Variants in STPG2 observed in about 807,000 individuals in gnomAD.
The protein encoded by STPG2 is sperm tail PG-rich repeat containing 2, also known as sperm-tail PG-rich repeat-containing protein 2.
A neutral mutation model predicts 54.2 loss-of-function variants in STPG2; 56 were observed. The observed-to-expected ratio is 1.03, with a 90% CI of 0.83 to 1.29. The LOEUF (loss-of-function observed/expected upper bound fraction) is 1.29, where lower values mean the gene tolerates loss of function less well. STPG2 is among the 50% of genes most tolerant of loss of function. The pLI is 0.00. For synonymous variants in STPG2, 200 were observed against 181.8 expected, an observed-to-expected ratio of 1.10 and a Z score of -0.81; for missense variants, 596 against 544.9, an observed-to-expected ratio of 1.09 and a Z score of -0.93.
chr4:97,772,285 G>T (rs935466235), intron 9 of STPG2, among the ~76,000 whole-genome samples: 1 of 152,122 alleles, frequency 6.6e-6, no homozygotes, highest in Non-Finnish European at 1.5e-5. Flanking sequence ...AATTCACTAT[G>T]TGTAACATAT....
intron 9 of STPG2, among the ~76,000 whole-genome samples, chr4:97,742,405 T>G (rs1725276018): frequency 6.7e-6 from 1 of 150,236 alleles, no homozygotes; most frequent in South Asian, 2.1e-4. Flanking sequence ...AAAAAGAAAA[T>G]AAAATCAGTA....
At chr4:97,749,966 T>C (rs1725533781) in intron 9 of STPG2, among the ~76,000 whole-genome samples, 1 of 151,802 alleles carries the variant, frequency 6.6e-6, no homozygotes, top group Non-Finnish European at 1.5e-5. Context: ...CCAAGCATCC[T>C]AGGGATGGTA....
chr4:97,816,891 T>C (rs1727931641), intron 9 of STPG2, among the ~76,000 whole-genome samples: 1 of 149,960 alleles, frequency 6.7e-6, no homozygotes, highest in Admixed American at 6.7e-5. Context: ...TTTTTCTTTT[T>C]TATTTCTCTC....
At chr4:97,931,519 C>T (rs1353391233) in intron 8 of STPG2, among the ~76,000 whole-genome samples, 4 of 152,136 alleles carry the variant, frequency 2.6e-5, no homozygotes, top group Admixed American at 2.0e-4. Flanking sequence ...ACCTTGAATC[C>T]TGGAAATAAA....
chr4:97,480,110 G>A (rs995989570), intron 4 of STPG2, among the ~76,000 whole-genome samples: 2 of 151,548 alleles, frequency 1.3e-5, no homozygotes, highest in African/African-American at 4.8e-5. Flanking sequence ...ATAATATAAA[G>A]CAAGAGAACC....
intron 9 of STPG2, among the ~76,000 whole-genome samples, chr4:97,778,138 A>G (rs1166582285): frequency 6.6e-5 from 10 of 152,156 alleles, no homozygotes; most frequent in Admixed American, 6.5e-4. Context: ...GGGAAGCGCA[A>G]GGGGTCAGGG....
chr4:97,552,776 T>C lies in STPG2; in HGVS notation c.462+159923A>G, dbSNP rs1731993289. On this transcript the variant is annotated intron_variant, in intron 4 of 4. Coordinates refer to the STPG2 transcript ENST00000522676. ...ATATTGAGTTTACAGATACAAATAC[T>C]AACTGTGGAGCAAATACAAGAACAC... Among the ~76,000 whole-genome samples the C allele has an allele frequency of 2.6e-5, 4 of 152,284 alleles. No homozygotes were observed. In the Middle Eastern group the frequency reaches 0.01, roughly 388 times the overall value.
intron 10 of STPG2, among the ~76,000 whole-genome samples, chr4:97,625,612 C>T (rs1268778415): frequency 4.6e-5 from 7 of 152,258 alleles, no homozygotes; most frequent in Admixed American, 2.0e-4. Flanking sequence ...CATGCTTGGC[C>T]GCCTCTTCCT....
intron 9 of STPG2, among the ~76,000 whole-genome samples, chr4:97,773,316 A>T (rs1726274220): frequency 6.6e-6 from 1 of 151,718 alleles, no homozygotes; most frequent in African/African-American, 2.4e-5. Context: ...TGTATAATTT[A>T]TTATTATTAT....
chr4:97,636,591 C>T (rs1402458960), intron 10 of STPG2, among the ~76,000 whole-genome samples: 32 of 149,864 alleles, frequency 2.1e-4, no homozygotes, highest in African/African-American at 7.6e-4. Context: ...TGATAGACTG[C>T]TAGCAAGACT....
At chr4:97,786,063 G>T (rs1469095761) in intron 9 of STPG2, among the ~76,000 whole-genome samples, 2 of 151,830 alleles carry the variant, frequency 1.3e-5, no homozygotes, top group Non-Finnish European at 2.9e-5. Flanking sequence ...TAAAACATTT[G>T]CCACTTTAAT....
At chr4:97,503,796 TATATTTTAAAAATATATTTAA>T (rs1328156466) in intron 4 of STPG2, among the ~76,000 whole-genome samples, 5 of 142,276 alleles carry the variant, frequency 3.5e-5, no homozygotes, top group African/African-American at 1.0e-4. Flanking sequence ...TTCATATAAA[TATATTTTAAAAATATATTTAA>T]ATATTTTAAA....
At chr4:98,005,695 C>T (rs1455573978) in intron 5 of STPG2, among the ~76,000 whole-genome samples, 2 of 151,650 alleles carry the variant, frequency 1.3e-5, no homozygotes, top group Non-Finnish European at 2.9e-5. Context: ...ATATGTTGAA[C>T]CATCCTTGCA....
At chr4:97,762,537 T>G (rs1444014194) in intron 9 of STPG2, among the ~76,000 whole-genome samples, 1 of 152,166 alleles carries the variant, frequency 6.6e-6, no homozygotes, top group Admixed American at 6.5e-5. Flanking sequence ...TTAACAAATA[T>G]GCACACTTAC....
At chr4:97,768,666 T>C (rs1342530745) in intron 9 of STPG2, among the ~76,000 whole-genome samples, 1 of 151,694 alleles carries the variant, frequency 6.6e-6, no homozygotes. Context: ...CACATTCTCA[T>C]AGACTGGCCA....
At chr4:98,129,186 G>A (rs188524117) in intron 2 of STPG2, among the ~76,000 whole-genome samples, 53 of 152,252 alleles carry the variant, frequency 3.5e-4, no homozygotes, top group Admixed American at 1.2e-3. Flanking sequence ...TCTCGTTTGG[G>A]TCAGTTATTT....
chr4:97,890,588 C>T (rs1388971204), intron 8 of STPG2, among the ~76,000 whole-genome samples: 1 of 151,628 alleles, frequency 6.6e-6, no homozygotes. Flanking sequence ...AAAAATGCAG[C>T]TAGACAGAAG....
chr4:98,082,695 G>A (rs543534436), intron 5 of STPG2, among the ~76,000 whole-genome samples: 35 of 151,456 alleles, frequency 2.3e-4, no homozygotes, highest in Non-Finnish European at 4.1e-4. Context: ...CTCATGATCC[G>A]CCTGCCTCGG....
chr4:97,909,544 A>G (rs1278281775), intron 8 of STPG2, among the ~76,000 whole-genome samples: 2 of 152,168 alleles, frequency 1.3e-5, no homozygotes, highest in Non-Finnish European at 2.9e-5. Flanking sequence ...ACAAAAATAG[A>G]AACAAAAGTC....
Sources: allele counts gnomAD v4.1 joint callset (sites outside exome capture counted in the v4.1 genomes callset), GRCh38; gene constraint gnomAD v4.1.1; transcripts MANE v1.5; gene names NCBI Gene and HGNC (gene_info 2026-07-23, HGNC 2026-07-21).